Variants in GTF2I observed in about 807,000 individuals in gnomAD.
GTF2I encodes the protein general transcription factor II-I.
Under a neutral mutation model 67.6 loss-of-function variants are expected in GTF2I, and 12 were observed. That is an observed-to-expected ratio of 0.18 (90% CI 0.11 to 0.29). GTF2I has a LOEUF of 0.29. Among genes scored for constraint, GTF2I ranks in the 10% least tolerant of loss-of-function variants. GTF2I has a pLI of 1.00. For missense variants in GTF2I, 271 were observed against 580.1 expected, an observed-to-expected ratio of 0.47 and a Z score of 5.47; for synonymous variants, 149 against 197.0, an observed-to-expected ratio of 0.76 and a Z score of 2.04.
intron 3 of GTF2I, among the ~76,000 whole-genome samples, chr7:74,693,271 T>TC (rs1788530395): frequency 7.2e-6 from 1 of 138,186 alleles, no homozygotes; most frequent in African/African-American, 2.7e-5. Context: ...TGGAATTTTT[T>TC]TTTTTTTTTT....
chr7:74,719,022 AT>A, intron 12 of GTF2I, 81 bp downstream of exon 12: 2 of 713,370 alleles, frequency 2.8e-6, no homozygotes, highest in Non-Finnish European at 4.7e-6. Flanking sequence ...CTAAATATGC[AT>A]TTCATTCATT....
At chr7:74,676,443 C>A (rs1410952569) in intron 1 of GTF2I, among the ~76,000 whole-genome samples, 1 of 151,914 alleles carries the variant, frequency 6.6e-6, no homozygotes, top group Non-Finnish European at 1.5e-5. Context: ...CATAGTGAGA[C>A]CCTTATCTGA....
At position 74,680,139 on chromosome 7, in the gene GTF2I, C is replaced by CAT. The variant is rs1298932424; in HGVS notation, c.-5-8976_-5-8975dup. On this transcript the variant is annotated intron_variant, in intron 1 of 34. Coordinates refer to ENST00000573035, the MANE Select transcript of GTF2I (RefSeq NM_032999.4). ...ATATGTATGTATGTATGTATATACA[C>CAT]ATATATATATGTATGTATATACACA... 3.0e-3 allele frequency among the ~76,000 whole-genome samples: 375 copies of CAT among 123,844 alleles called. 2 individuals are homozygous for CAT. The highest frequency in any genetic ancestry group is 0.011 in the African/African-American group (350 of 32,878). 81.2% of individuals were successfully genotyped at this position (123,844 alleles called of 152,430 possible). A position where few individuals can be genotyped will look rare whatever the true frequency, so the allele number is the denominator to read the frequency against.
At position 74,691,127 on chromosome 7, in the gene GTF2I, T is replaced by G; in HGVS notation, c.238+16T>G. The G allele has an allele frequency of 6.5e-7, 1 of 1,538,528 alleles. No homozygotes were observed. The highest frequency in any genetic ancestry group is 8.9e-7 in the Non-Finnish European group (1 of 1,118,376). ...GTAAAATATTGTAAGCATTGTATTT[T>G]TATCTTTTGCATTTCATTAATTTTA... On this transcript the variant is annotated intron_variant, in intron 3 of 34. Coordinates refer to ENST00000573035, the MANE Select transcript of GTF2I (RefSeq NM_032999.4).
chr7:74,658,542 C>T (rs1219445388), intron 1 of GTF2I, among the ~76,000 whole-genome samples: 1 of 149,870 alleles, frequency 6.7e-6, no homozygotes, highest in Non-Finnish European at 1.5e-5. Flanking sequence ...CCCGAGCCGT[C>T]GTGGGGTCGC....
At chr7:74,693,265 A>ATTTT (rs1158949751) in intron 3 of GTF2I, among the ~76,000 whole-genome samples, 6 of 83,020 alleles carry the variant, frequency 7.2e-5, no homozygotes, top group Admixed American at 1.2e-4. Flanking sequence ...CTGTAGTGGA[A>ATTTT]TTTTTTTTTT....
At chr7:74,706,023 G>A (rs1420569032) in intron 7 of GTF2I, among the ~76,000 whole-genome samples, 5 of 152,018 alleles carry the variant, frequency 3.3e-5, no homozygotes, top group Non-Finnish European at 7.4e-5. Flanking sequence ...CATGATCTCA[G>A]CTCACTGCAA....
rs587657724 is a variant in GTF2I at position 74,735,489 on chromosome 7, T to A, written c.1392T>A (p.Thr464=). 123 of 245,208 alleles carry A rather than the reference T, an allele frequency of 5.0e-4. 1 individual carries two copies. The East Asian group carries it at 8.2e-3, about 16-fold the overall frequency. 15.2% of individuals were successfully genotyped at this position (245,208 alleles called of 1,614,324 possible). Residue 464 remains threonine (T), a synonymous_variant, in exon 17 of 35, where the codon ACT becomes ACA. Transcript: ENST00000573035. ...AGGAAGAATGGTATGCCAGAATCACTAAATTAAGAAAGATGGTGGATCAGC... is the reference window on the plus strand; with the variant it reads ...AGGAAGAATGGTATGCCAGAATCACAAAATTAAGAAAGATGGTGGATCAGC... ...GVKEEWYARI[T]KLRKMVDQLF...
chr7:74,729,869 C>T (rs1313228064), intron 13 of GTF2I, among the ~76,000 whole-genome samples: 1 of 151,754 alleles, frequency 6.6e-6, no homozygotes, highest in Non-Finnish European at 1.5e-5. Flanking sequence ...CTAAAAGACC[C>T]CTGGAGACCT....
chr7:74,688,085 AT>A (rs1554395946), intron 1 of GTF2I, among the ~76,000 whole-genome samples: 1 of 151,904 alleles, frequency 6.6e-6, no homozygotes, highest in African/African-American at 2.4e-5. Flanking sequence ...AATATACATA[AT>A]TTTTTTGTGT....
chr7:74,702,314 G>T (rs181979999), intron 6 of GTF2I, among the ~76,000 whole-genome samples: 1 of 151,594 alleles, frequency 6.6e-6, no homozygotes, highest in Admixed American at 6.6e-5. Context: ...TGCAACCTCC[G>T]CCTCGTGGAT....
intron 1 of GTF2I, among the ~76,000 whole-genome samples, chr7:74,681,805 G>A (rs1279334227): frequency 2.0e-5 from 3 of 152,116 alleles, no homozygotes; most frequent in East Asian, 1.9e-4. Flanking sequence ...CCAGCTACTC[G>A]GGAGGCTGAG....
chr7:74,691,657 G>A (rs1788319069), intron 3 of GTF2I, among the ~76,000 whole-genome samples: 1 of 152,180 alleles, frequency 6.6e-6, no homozygotes, highest in African/African-American at 2.4e-5. Context: ...AGTGTTTGTT[G>A]TACGGTGTTC....
chr7:74,720,400 A>G (rs1758821550), intron 12 of GTF2I, among the ~76,000 whole-genome samples: 1 of 152,240 alleles, frequency 6.6e-6, no homozygotes, highest in Non-Finnish European at 1.5e-5. Context: ...CTTCTAAAAT[A>G]TAAGTCAATT....
rs587744782 is a variant in GTF2I at position 74,675,737 on chromosome 7, G to A, written c.-5-13387G>A. On this transcript the variant is annotated intron_variant, in intron 1 of 34. Coordinates refer to ENST00000573035, the MANE Select transcript of GTF2I (RefSeq NM_032999.4). ...TTTGAAAGAGAATGGGGGGCTGGGC[G>A]CAGTGGCTCACACCTGTAATCCCAG... Among the ~76,000 whole-genome samples, 258 of 152,008 alleles carry A rather than the reference G, an allele frequency of 1.7e-3. 2 individuals carry two copies. Among genetic ancestry groups the A allele is most frequent in the Non-Finnish European group, 2.7e-3 (182 of 67,964 alleles).
At chr7:74,733,189 ACTC>A (rs1554407108) in intron 15 of GTF2I, among the ~76,000 whole-genome samples, 1 of 118,098 alleles carries the variant, frequency 8.5e-6, no homozygotes, top group African/African-American at 3.3e-5. Context: ...CTGGTCTTGA[ACTC>A]CTGACCTCAG....
chr7:74,672,210 G>A (rs142168664), intron 1 of GTF2I, among the ~76,000 whole-genome samples: 48 of 151,970 alleles, frequency 3.2e-4, no homozygotes, highest in Non-Finnish European at 6.0e-4. Context: ...AATATAAATC[G>A]TGATAGTTTA....
chr7:74,731,442 AACT>A (rs1794467128), intron 14 of GTF2I, among the ~76,000 whole-genome samples: 1 of 146,860 alleles, frequency 6.8e-6, no homozygotes, highest in Admixed American at 6.8e-5. Flanking sequence ...TGAATTCAGT[AACT>A]TTTCCATATT....
At chr7:74,732,091 A>G (rs1794532988) in intron 14 of GTF2I, among the ~76,000 whole-genome samples, 2 of 148,644 alleles carry the variant, frequency 1.3e-5, no homozygotes, top group African/African-American at 4.9e-5. Flanking sequence ...TCCTGTGTGT[A>G]TATATATACA....
Sources: allele counts gnomAD v4.1 joint callset (sites outside exome capture counted in the v4.1 genomes callset), GRCh38; gene constraint gnomAD v4.1.1; transcripts MANE v1.5; gene names NCBI Gene and HGNC (gene_info 2026-07-23, HGNC 2026-07-21).